The following NTM variants were observed in gnomAD, a reference collection of about 807,000 sequenced individuals.
NTM encodes the protein neurotrimin, also known as IgLON family member 2.
In NTM, 13 loss-of-function variants were observed where a neutral mutation model predicts 42.1. The observed-to-expected ratio is 0.31, with a 90% CI of 0.20 to 0.49. NTM has a LOEUF of 0.49. NTM is among the 20% of genes least tolerant of loss of function. The probability of loss-of-function intolerance (pLI) is 0.99; values close to 1 mark genes in which losing one functional copy is unlikely to be tolerated. For missense variants in NTM, 373 were observed against 452.8 expected, an observed-to-expected ratio of 0.82 and a Z score of 1.60; for synonymous variants, 187 against 179.2, an observed-to-expected ratio of 1.04 and a Z score of -0.35.
chr11:131,754,446 G>A (rs901096239), intron 1 of NTM, among the ~76,000 whole-genome samples: 2 of 152,146 alleles, frequency 1.3e-5, no homozygotes, highest in South Asian at 2.1e-4. Flanking sequence ...CCAACATGGC[G>A]AAACCCCGTC....
intron 1 of NTM, among the ~76,000 whole-genome samples, chr11:131,446,486 G>A (rs1249900039): frequency 6.6e-6 from 1 of 152,116 alleles, no homozygotes; most frequent in African/African-American, 2.4e-5. Context: ...GCTCAGTAGA[G>A]ATGATAAACA....
At chr11:131,687,289 G>A (rs114987980) in intron 1 of NTM, among the ~76,000 whole-genome samples, 1 of 152,114 alleles carries the variant, frequency 6.6e-6, no homozygotes, top group African/African-American at 2.4e-5. Flanking sequence ...CCCTCCCAGC[G>A]CCCCTCCCAC....
intron 4 of NTM, among the ~76,000 whole-genome samples, chr11:132,277,063 T>C (rs1423638211): frequency 6.6e-6 from 1 of 152,208 alleles, no homozygotes; most frequent in Non-Finnish European, 1.5e-5. Flanking sequence ...GTAAATTCCT[T>C]ATGTTTCTAC....
At chr11:131,637,983 C>T (rs2064627159) in intron 1 of NTM, among the ~76,000 whole-genome samples, 1 of 152,132 alleles carries the variant, frequency 6.6e-6, no homozygotes, top group Admixed American at 6.5e-5. Context: ...TCCTCCATAG[C>T]CCCATGTCCT....
chr11:132,073,675 G>T (rs1306865038), intron 2 of NTM, among the ~76,000 whole-genome samples: 1 of 152,138 alleles, frequency 6.6e-6, no homozygotes, highest in African/African-American at 2.4e-5. Flanking sequence ...TTGAAATAAA[G>T]CACCCTAATT....
chr11:132,223,682 T>C (rs1267376369), intron 4 of NTM, among the ~76,000 whole-genome samples: 1 of 152,224 alleles, frequency 6.6e-6, no homozygotes, highest in Admixed American at 6.5e-5. Context: ...TCAATACATA[T>C]TTGTTTAAAA....
intron 4 of NTM, among the ~76,000 whole-genome samples, chr11:132,294,400 A>C (rs930732810): frequency 1.3e-5 from 2 of 151,808 alleles, no homozygotes; most frequent in African/African-American, 4.9e-5. Context: ...GTGCCATTCA[A>C]GTCTTAGAGT....
chr11:132,015,322 C>T (rs938631841), intron 2 of NTM, among the ~76,000 whole-genome samples: 13 of 151,766 alleles, frequency 8.6e-5, no homozygotes, highest in African/African-American at 1.9e-4. Flanking sequence ...AGTCCAGTAG[C>T]GTAATGCCTC....
rs377039859 is a variant in NTM, at chr11:131,530,636, G to A, written c.82+159748G>A. ...TGCCAAGGCGCCAGAGGTCCTGCCA[G>A]CCTCAGCTCATGTGGGGCATTTGCC... On this transcript the variant is annotated intron_variant, in intron 1 of 8. Coordinates refer to ENST00000683400, the MANE Select transcript of NTM (RefSeq NM_001352005.2). 1.6e-3 allele frequency among the ~76,000 whole-genome samples: 239 copies of A among 152,270 alleles called. 2 individuals are homozygous for A. The highest frequency in any genetic ancestry group is 7.5e-3 in the South Asian group (36 of 4,822).
At chr11:131,508,079 A>G (rs1446926548) in intron 1 of NTM, among the ~76,000 whole-genome samples, 1 of 148,662 alleles carries the variant, frequency 6.7e-6, no homozygotes, top group Non-Finnish European at 1.5e-5. Flanking sequence ...AAAAGAAACT[A>G]CCATCAGAGT....
chr11:131,865,893 T>C (rs12808209), intron 1 of NTM, among the ~76,000 whole-genome samples: 1,912 of 13,454 alleles, frequency 0.14, 296 homozygotes, highest in East Asian at 0.32. Context: ...ACCTCCCACA[T>C]TCACACATGC....
intron 1 of NTM, among the ~76,000 whole-genome samples, chr11:131,579,273 G>A (rs1592108718): frequency 6.6e-6 from 1 of 152,044 alleles, no homozygotes; most frequent in South Asian, 2.1e-4. Context: ...AGAAGACAGA[G>A]AGAAAACAAA....
At position 131,540,099 on chromosome 11, in the gene NTM, T is replaced by G. The variant is rs142354030; in HGVS notation, c.82+169211T>G. 3.3e-4 allele frequency among the ~76,000 whole-genome samples: 50 copies of G among 150,788 alleles called. 6 individuals carry two copies. The highest frequency in any genetic ancestry group is 2.1e-3 in the Admixed American group (32 of 15,126). ...TCTGGCTGATTCATTAGAAAATGCA[T>G]AGCAACTCAACATTTCTGAAAACAG... On this transcript the variant is annotated intron_variant, in intron 1 of 8. Coordinates refer to ENST00000683400, the MANE Select transcript of NTM (RefSeq NM_001352005.2).
At chr11:131,487,923 C>T (rs1954360120) in intron 1 of NTM, among the ~76,000 whole-genome samples, 1 of 152,160 alleles carries the variant, frequency 6.6e-6, no homozygotes, top group Admixed American at 6.5e-5. Context: ...CTAGAAATAG[C>T]CAGTGAGGGA....
At chr11:132,232,236 G>A (rs896713754) in intron 4 of NTM, among the ~76,000 whole-genome samples, 6 of 152,164 alleles carry the variant, frequency 3.9e-5, no homozygotes, top group African/African-American at 1.4e-4. Flanking sequence ...CTTGCCAAGC[G>A]CTCAGAGGGG....
chr11:131,746,546 A>C (rs1175260501), intron 1 of NTM, among the ~76,000 whole-genome samples: 1 of 152,090 alleles, frequency 6.6e-6, no homozygotes, highest in Non-Finnish European at 1.5e-5. Context: ...TTACGGTATA[A>C]TTTTCCAGAT....
chr11:131,821,826 G>A (rs2093202821), intron 1 of NTM, among the ~76,000 whole-genome samples: 1 of 152,184 alleles, frequency 6.6e-6, no homozygotes, highest in Non-Finnish European at 1.5e-5. Context: ...ACTGATCCAT[G>A]ATAGTTTAGA....
At position 131,997,192 on chromosome 11, in the gene NTM, G is replaced by A. The variant is rs530846015; in HGVS notation, c.167+85544G>A. 1.2e-4 allele frequency among the ~76,000 whole-genome samples: 19 copies of A among 152,284 alleles called. No individual in the cohort carries two copies. In the East Asian group the frequency reaches 3.7e-3, roughly 30 times the overall value. ...TCTCCTGCTTGTTTGGGTTCTGTAT[G>A]TAGGGGCTTGACAGCCAGAGTGGCT... On this transcript the variant is annotated intron_variant, in intron 2 of 8. Coordinates refer to ENST00000683400, the MANE Select transcript of NTM (RefSeq NM_001352005.2).
chr11:131,962,382 A>G (rs2134528313), intron 2 of NTM, among the ~76,000 whole-genome samples: 1 of 152,246 alleles, frequency 6.6e-6, no homozygotes, highest in Admixed American at 6.5e-5. Flanking sequence ...CCTCAATGGG[A>G]TAGTTTTGGG....
Sources: gnomAD v4.1 joint callset for allele counts (sites outside exome capture counted in the v4.1 genomes callset) on GRCh38, gnomAD v4.1.1 for gene constraint, MANE v1.5 for transcripts, NCBI Gene and HGNC (gene_info 2026-07-23, HGNC 2026-07-21) for gene names.